Variants in KLRG2 observed in about 807,000 individuals in gnomAD.
The protein encoded by KLRG2 is killer cell lectin like receptor G2.
KLRG2 carries 39 observed loss-of-function variants against 35.4 expected under a neutral mutation model. The ratio of observed to expected loss-of-function variants is 1.10; its 90% CI spans 0.85 to 1.44. KLRG2 has a LOEUF of 1.44. Ranked by LOEUF, KLRG2 falls within the 40% of genes most tolerant of loss-of-function variation. The pLI is 0.00. For synonymous variants in KLRG2, 283 were observed against 265.8 expected, an observed-to-expected ratio of 1.06 and a Z score of -0.63; for missense variants, 632 against 570.9, an observed-to-expected ratio of 1.11 and a Z score of -1.09.
the KLRG2 span, among the ~76,000 whole-genome samples, chr7:139,440,700 T>C: frequency 6.6e-6 from 1 of 152,128 alleles, no homozygotes; most frequent in Non-Finnish European, 1.5e-5. Flanking sequence ...TCCTTCCCCT[T>C]CGGCCTCCCT....
chr7:139,467,363 TG>T (rs1262426771), intron 3 of KLRG2, among the ~76,000 whole-genome samples: 6 of 152,158 alleles, frequency 3.9e-5, no homozygotes, highest in African/African-American at 1.4e-4. Flanking sequence ...CCAGGTGGCC[TG>T]AAGTGAAGAA....
chr7:139,451,166 T>C (rs1377023767), downstream of KLRG2, among the ~76,000 whole-genome samples: 1 of 152,204 alleles, frequency 6.6e-6, no homozygotes. Flanking sequence ...GAAAAACAGT[T>C]GTCTGGGGCA....
chr7:139,445,225 T>C, the KLRG2 span, among the ~76,000 whole-genome samples: 1 of 151,902 alleles, frequency 6.6e-6, no homozygotes, highest in Non-Finnish European at 1.5e-5. Flanking sequence ...GAATTACAGG[T>C]GCCCACCATT....
At chr7:139,446,866 C>T in the KLRG2 span, among the ~76,000 whole-genome samples, 2 of 152,156 alleles carry the variant, frequency 1.3e-5, no homozygotes, top group African/African-American at 4.8e-5. Context: ...CTTGGGTACA[C>T]CTGGGTAACC....
chr7:139,449,271 G>A (rs1203769019), downstream of KLRG2, among the ~76,000 whole-genome samples: 2 of 151,568 alleles, frequency 1.3e-5, no homozygotes, highest in East Asian at 3.9e-4. Flanking sequence ...GCATGGTGGC[G>A]GGCACCTATA....
intron 3 of KLRG2, among the ~76,000 whole-genome samples, chr7:139,463,367 C>T (rs1259793865): frequency 1.3e-5 from 2 of 152,180 alleles, no homozygotes; most frequent in African/African-American, 4.8e-5. Flanking sequence ...ATTAACCTCG[C>T]CTTCAAGGTG....
In KLRG2 at chr7:139,453,448, C is replaced by T. The variant is rs954407309; in HGVS notation, c.*139G>A. On this transcript the variant is annotated 3_prime_UTR_variant, in exon 5 of 5. Transcript: ENST00000340940. Reference sequence around the variant, plus strand: ...TGGGTTGAAGTCCAGCTCCTAGGCTCGCTCATGTGGCCCCCTTGAGCAGAG... The same window carrying T: ...TGGGTTGAAGTCCAGCTCCTAGGCTTGCTCATGTGGCCCCCTTGAGCAGAG... 48 of 843,686 alleles carry T rather than the reference C, an allele frequency of 5.7e-5. 1 individual carries two copies. In the South Asian group the frequency reaches 6.6e-4, roughly 12 times the overall value. 52.3% of individuals were successfully genotyped at this position (843,686 alleles called of 1,614,324 possible). A position where few individuals can be genotyped will look rare whatever the true frequency, so the allele number is the denominator to read the frequency against.
chr7:139,474,389 C>T (rs913736764), intron 3 of KLRG2, among the ~76,000 whole-genome samples: 5 of 152,102 alleles, frequency 3.3e-5, no homozygotes, highest in Admixed American at 6.6e-5. Context: ...TGGGGAAAAG[C>T]GATTTTCTAC....
chr7:139,446,543 G>A, the KLRG2 span, among the ~76,000 whole-genome samples: 4 of 151,612 alleles, frequency 2.6e-5, no homozygotes, highest in East Asian at 5.9e-4. Flanking sequence ...GTTTTGCCAC[G>A]TCAGCCAGGC....
the KLRG2 span, among the ~76,000 whole-genome samples, chr7:139,445,781 G>GTATATA: frequency 3.3e-3 from 326 of 97,628 alleles, 12 homozygotes; most frequent in African/African-American, 0.014. Flanking sequence ...ATATATATAT[G>GTATATA]TATATATATA....
At chr7:139,446,862 T>C in the KLRG2 span, among the ~76,000 whole-genome samples, 1 of 152,162 alleles carries the variant, frequency 6.6e-6, no homozygotes, top group African/African-American at 2.4e-5. Flanking sequence ...TTACCTTGGG[T>C]ACACCTGGGT....
the KLRG2 span, among the ~76,000 whole-genome samples, chr7:139,431,581 C>G: frequency 6.6e-6 from 1 of 152,130 alleles, no homozygotes; most frequent in African/African-American, 2.4e-5. Flanking sequence ...ACCAAATATC[C>G]AGAGCTGCTC....
the KLRG2 span, among the ~76,000 whole-genome samples, chr7:139,445,781 G>GTGTATATATA: frequency 4.3e-4 from 42 of 98,362 alleles, no homozygotes; most frequent in South Asian, 5.1e-3. Context: ...ATATATATAT[G>GTGTATATATA]TATATATATA....
the KLRG2 span, among the ~76,000 whole-genome samples, chr7:139,444,980 C>T: frequency 2.0e-5 from 3 of 152,084 alleles, no homozygotes; most frequent in African/African-American, 2.4e-5. Flanking sequence ...TGACAAGAGA[C>T]GAGATTCACC....
chr7:139,436,522 C>T, the KLRG2 span, among the ~76,000 whole-genome samples: 1 of 151,892 alleles, frequency 6.6e-6, no homozygotes, highest in Admixed American at 6.6e-5. Context: ...GAGGATGTCA[C>T]GGAAGTTGAC....
downstream of KLRG2, among the ~76,000 whole-genome samples, chr7:139,451,277 C>A (rs1796371905): frequency 6.6e-6 from 1 of 152,152 alleles, no homozygotes; most frequent in Non-Finnish European, 1.5e-5. Flanking sequence ...AGGCAGGCGG[C>A]TCACCTGAGG....
rs775318332 is a variant in KLRG2, at chr7:139,454,124, GTGGGGCCTCGTCGATCCAGTGCCAGCCCT to G, written c.1067_1095del (p.Gln356ProfsTer8). 5.3e-5 allele frequency: 82 copies of G among 1,538,870 alleles called. No homozygotes were observed. The highest frequency in any genetic ancestry group is 2.8e-5 in the African/African-American group (2 of 72,510). The stretch of plus-strand genomic sequence containing the variant: ...GTGGTCACTCACAGCTGGGGCGGGA[GTGGGGCCTCGTCGATCCAGTGCCAGCCCT>G]GGGGGCCTCGCCAGGCCCCCACCCA... On this transcript the variant is annotated frameshift_variant, in exon 4 of 5. Transcript: ENST00000340940. LOFTEE classifies it low-confidence loss of function (END_TRUNC).
chr7:139,471,616 G>A lies in KLRG2; in HGVS notation c.1005+8011C>T, dbSNP rs145167165. Among the ~76,000 whole-genome samples the A allele has an allele frequency of 4.7e-3, 711 of 152,082 alleles. 8 individuals carry two copies. Among genetic ancestry groups the A allele is most frequent in the African/African-American group, 0.016 (683 of 41,482 alleles). On this transcript the variant is annotated intron_variant, in intron 3 of 4. Coordinates refer to ENST00000340940, the MANE Select transcript of KLRG2 (RefSeq NM_198508.4). ...ATGGTGGTTGCAGTGAGCCGAGATC[G>A]TGCCACCGCACTCCAGCCTGGACAG...
intron 3 of KLRG2, among the ~76,000 whole-genome samples, chr7:139,460,735 G>A (rs934662585): frequency 3.3e-5 from 5 of 151,992 alleles, no homozygotes; most frequent in African/African-American, 4.8e-5. Flanking sequence ...AAGGCAGGCA[G>A]ATCACTTGAT....
Sources: gnomAD v4.1 joint callset for allele counts (sites outside exome capture counted in the v4.1 genomes callset) on GRCh38, gnomAD v4.1.1 for gene constraint, MANE v1.5 for transcripts, NCBI Gene and HGNC (gene_info 2026-07-23, HGNC 2026-07-21) for gene names.